Variants in CACNA1E observed in about 807,000 individuals in gnomAD.
CACNA1E encodes voltage-dependent R-type calcium channel subunit alpha-1E.
Under a neutral mutation model 259.2 loss-of-function variants are expected in CACNA1E, and 40 were observed. That is an observed-to-expected ratio of 0.15 (90% CI 0.12 to 0.20). CACNA1E has a LOEUF of 0.20. Among genes scored for constraint, CACNA1E ranks in the 10% least tolerant of loss-of-function variants. The pLI is 1.00. For synonymous variants in CACNA1E, 1,104 were observed against 1,138.5 expected (o/e 0.97, Z 0.61); for missense variants, 1,874 against 3,040.1 (o/e 0.62, Z 9.02).
At chr1:181,608,318 A>G (rs1366499853) in intron 6 of CACNA1E, among the ~76,000 whole-genome samples, 1 of 152,162 alleles carries the variant, frequency 6.6e-6, no homozygotes, top group Non-Finnish European at 1.5e-5. Flanking sequence ...GTGATGGGAG[A>G]AAAAGCAGAA....
rs1403415069 is a variant in CACNA1E at position 181,795,026 on chromosome 1, C to T, written c.6190C>T (p.Arg2064Cys). Reference protein sequence around the residue: ...YHSSLRLSAHRLNSDSGHKSD... With the variant: ...YHSSLRLSAHCLNSDSGHKSD... ...CTCCTCCTTGCGGCTGTCAGCCCAC[C>T]GCCTGAACTCTGATTCAGGTGAGGA... is the stretch of plus-strand genomic sequence containing the variant. The change falls in exon 46 of 48, where the codon CGC (arginine) becomes TGC (cysteine). Residue 2064 changes from arginine (R) to cysteine (C), a missense_variant. This residue lies in a region of CACNA1E where 542 missense variants were observed against 587.2 expected (regional missense o/e 0.92). Coordinates refer to ENST00000367573, the MANE Select transcript of CACNA1E (RefSeq NM_001205293.3). 10 of 1,613,698 alleles carry T rather than the reference C, an allele frequency of 6.2e-6. No individual in the cohort carries two copies. Among genetic ancestry groups the T allele is most frequent in the East Asian group, 4.5e-5 (2 of 44,884 alleles).
chr1:181,655,045 A>T (rs1431914220), intron 7 of CACNA1E, among the ~76,000 whole-genome samples: 2 of 151,986 alleles, frequency 1.3e-5, no homozygotes, highest in Non-Finnish European at 2.9e-5. Flanking sequence ...TAGTGAAAAC[A>T]AGAATCACTG....
intron 1 of CACNA1E, among the ~76,000 whole-genome samples, chr1:181,340,782 C>T (rs983589138): frequency 1.3e-5 from 2 of 152,142 alleles, no homozygotes; most frequent in Non-Finnish European, 2.9e-5. Flanking sequence ...AGGAAAAATT[C>T]CCCCAAATCC....
intron 1 of CACNA1E, 85 bp downstream of exon 1, chr1:181,484,095 C>G: frequency 2.2e-6 from 3 of 1,351,248 alleles, no homozygotes; most frequent in Non-Finnish European, 3.1e-6. Flanking sequence ...AATGTATCCC[C>G]CACCCCTTCC....
intron 3 of CACNA1E, among the ~76,000 whole-genome samples, chr1:181,546,718 T>G (rs2102814115): frequency 6.6e-6 from 1 of 152,330 alleles, no homozygotes; most frequent in East Asian, 1.9e-4. Flanking sequence ...ACAGTGCACA[T>G]TCATCAGCTC....
At chr1:181,406,483 A>G (rs762356229) in intron 1 of CACNA1E, among the ~76,000 whole-genome samples, 2 of 151,258 alleles carry the variant, frequency 1.3e-5, no homozygotes, top group African/African-American at 2.4e-5. Context: ...TATAACTTCT[A>G]CCTCCTGGGT....
intron 2 of CACNA1E, among the ~76,000 whole-genome samples, chr1:181,477,554 T>C (rs950316231): frequency 1.3e-5 from 2 of 152,230 alleles, no homozygotes; most frequent in Non-Finnish European, 2.9e-5. Context: ...TCATGGCCTT[T>C]GGGTCTCCAG....
At chr1:181,736,529 C>A in intron 22 of CACNA1E, 95 bp downstream of exon 22, 1 of 1,159,188 alleles carries the variant, frequency 8.6e-7, no homozygotes, top group Non-Finnish European at 1.2e-6. Flanking sequence ...GATGGGGGCC[C>A]AGCCATCTTC....
chr1:181,711,092 G>C, intron 8 of CACNA1E, 23 bp downstream of exon 8: 3 of 1,522,870 alleles, frequency 2.0e-6, no homozygotes, highest in Non-Finnish European at 2.7e-6. Context: ...GGCTGCAGGA[G>C]GCTGGTGAGT....
rs76838577 is a variant in CACNA1E, at chr1:181,598,036, C to G, written c.951+17260C>G. Among the ~76,000 whole-genome samples, 8 of 152,126 alleles carry G rather than the reference C, an allele frequency of 5.3e-5. No individual in the cohort carries two copies. In the East Asian group the frequency reaches 1.3e-3, roughly 26 times the overall value. ...AGGCTTACAGAGGTTAAAGGATCCT[C>G]CCAAGGTCATACAGCTGTTAAGGTA... On this transcript the variant is annotated intron_variant, in intron 6 of 47. Coordinates refer to ENST00000367573, the MANE Select transcript of CACNA1E (RefSeq NM_001205293.3).
intron 1 of CACNA1E, among the ~76,000 whole-genome samples, chr1:181,377,898 A>G (rs1001027370): frequency 2.0e-5 from 3 of 152,228 alleles, no homozygotes; most frequent in African/African-American, 7.2e-5. Flanking sequence ...ATAACACACT[A>G]TCCATTCTCT....
intron 6 of CACNA1E, among the ~76,000 whole-genome samples, chr1:181,610,187 CAGAG>C (rs1185283849): frequency 1.3e-5 from 2 of 152,190 alleles, no homozygotes; most frequent in African/African-American, 4.8e-5. Context: ...TCCAGTGTTA[CAGAG>C]AGAGTCTGTA....
At chr1:181,652,334 G>A (rs1456690128) in intron 7 of CACNA1E, among the ~76,000 whole-genome samples, 1 of 152,266 alleles carries the variant, frequency 6.6e-6, no homozygotes, top group Non-Finnish European at 1.5e-5. Context: ...AGTGGCATAC[G>A]TTCTTCAAAT....
intron 1 of CACNA1E, among the ~76,000 whole-genome samples, chr1:181,329,236 C>T (rs1262803849): frequency 6.6e-6 from 1 of 152,162 alleles, no homozygotes; most frequent in Non-Finnish European, 1.5e-5. Flanking sequence ...GCTCTGCTGC[C>T]ATTACCAAGA....
At chr1:181,748,362 C>T (rs1032459279) in intron 25 of CACNA1E, among the ~76,000 whole-genome samples, 1 of 152,146 alleles carries the variant, frequency 6.6e-6, no homozygotes, top group East Asian at 1.9e-4. Context: ...TACCATGATG[C>T]TTTACTAGGA....
At chr1:181,715,436 C>A in intron 9 of CACNA1E, 45 bp downstream of exon 9, 1 of 1,099,472 alleles carries the variant, frequency 9.1e-7, no homozygotes, top group Non-Finnish European at 1.4e-6. Flanking sequence ...ATTTGCCCCT[C>A]TTAGGCGATG....
At chr1:181,611,251 A>G (rs1341991312) in intron 6 of CACNA1E, among the ~76,000 whole-genome samples, 1 of 152,220 alleles carries the variant, frequency 6.6e-6, no homozygotes, top group Non-Finnish European at 1.5e-5. Context: ...TGTCTCCACT[A>G]GCAAATTCTT....
At chr1:181,386,772 C>T (rs915318824) in intron 1 of CACNA1E, among the ~76,000 whole-genome samples, 1 of 152,162 alleles carries the variant, frequency 6.6e-6, no homozygotes, top group African/African-American at 2.4e-5. Context: ...TCCTCCTGCA[C>T]CCCCATGTAG....
intron 2 of CACNA1E, among the ~76,000 whole-genome samples, chr1:181,475,116 G>A (rs1275665185): frequency 1.3e-5 from 2 of 152,166 alleles, no homozygotes; most frequent in African/African-American, 2.4e-5. Flanking sequence ...CCTGATTGAT[G>A]CCCAAGCTCT....
Sources: allele counts gnomAD v4.1 joint callset (sites outside exome capture counted in the v4.1 genomes callset), GRCh38; gene constraint gnomAD v4.1.1; regional missense constraint gnomAD v4.1.1; transcripts MANE v1.5; gene names NCBI Gene and HGNC (gene_info 2026-07-23, HGNC 2026-07-21).